ARHGAP45: variants seen among roughly 807,000 people sequenced by gnomAD.
ARHGAP45 encodes the protein rho GTPase-activating protein 45.
In ARHGAP45, 56 loss-of-function variants were observed where a neutral mutation model predicts 116.1. That is an observed-to-expected ratio of 0.48 (90% CI 0.39 to 0.60). The LOEUF is 0.60. Among genes scored for constraint, ARHGAP45 ranks in the 20% least tolerant of loss-of-function variants. ARHGAP45 has a pLI of 0.00. For synonymous variants in ARHGAP45, 866 were observed against 701.7 expected, an observed-to-expected ratio of 1.23 and a Z score of -3.70; for missense variants, 1,622 against 1,601.0, an observed-to-expected ratio of 1.01 and a Z score of -0.22.
chr19:1,068,631 T>C lies in ARHGAP45; in HGVS notation c.308T>C (p.Leu103Pro), dbSNP rs759924822. The part of the protein sequence containing the change: ...SPLTAASPGE[L>P]PTEGAGPDVV... ...CTGACAGCCGCCAGCCCGGGCGAGCTGCCCACCGAGGGTGCCGGCCCGGAC... is the reference window on the plus strand; with the variant it reads ...CTGACAGCCGCCAGCCCGGGCGAGCCGCCCACCGAGGGTGCCGGCCCGGAC... The change falls in exon 2 of 23, where the codon CTG becomes CCG. Residue 103 changes from leucine (L) to proline (P), a missense_variant. This residue lies in a region of ARHGAP45 where 279 missense variants were observed against 311.9 expected (regional missense o/e 0.89). Coordinates refer to ENST00000313093, the MANE Select transcript of ARHGAP45 (RefSeq NM_012292.5). The surrounding 1 kb of genome is among the most constrained non-coding windows in gnomAD (Gnocchi z 7.5). 6.2e-7 allele frequency: 1 copy of C among 1,611,906 alleles called. No individual in the cohort carries two copies. The highest frequency in any genetic ancestry group is 1.3e-5 in the African/African-American group (1 of 74,906).
chr19:1,083,287 C>G lies in ARHGAP45; in HGVS notation c.2889C>G (p.Ile963Met), dbSNP rs1414843555. ...ATTATCCCCATCAGGCCCGCGTCATCGAGACTCTCATCGTCCACTACGGCC... is the reference window on the plus strand; with the variant it reads ...ATTATCCCCATCAGGCCCGCGTCATGGAGACTCTCATCGTCCACTACGGCC... ...LVDYPHQARV[I>M]ETLIVHYGLV... The change falls in exon 21 of 23, where the codon ATC (isoleucine) becomes ATG (methionine). Residue 963 changes from isoleucine to methionine, a missense_variant. This residue lies in a region of ARHGAP45 where 1,334 missense variants were observed against 1,263.8 expected (regional missense o/e 1.06). Coordinates refer to ENST00000313093, the MANE Select transcript of ARHGAP45 (RefSeq NM_012292.5). 3 of 1,587,718 alleles carry G rather than the reference C, an allele frequency of 1.9e-6. No homozygotes were observed. The highest frequency in any genetic ancestry group is 1.8e-5 in the Admixed American group (1 of 56,946).
Position 1,081,649 on chromosome 19 carries a change from A to T in ARHGAP45, c.2290A>T (p.Ser764Cys). 1 of 1,581,524 alleles carries T rather than the reference A, an allele frequency of 6.3e-7. No individual in the cohort carries two copies. The highest frequency in any genetic ancestry group is 8.6e-7 in the Non-Finnish European group (1 of 1,164,324). The part of the protein sequence containing the change: ...GRLQLFGQDF[S>C]HAARSAPDGV... ...CCTGCAGCTGTTCGGCCAGGACTTC[A>T]GCCACGCGGCCCGCAGCGCCCCCGA... The change falls in exon 18 of 23, where the codon AGC becomes TGC. Residue 764 changes from serine to cysteine, a missense_variant. By Grantham distance (112) the Ser-to-Cys change is moderately radical. Around this residue, in one of 3 missense-constraint regions of ARHGAP45, gnomAD observed 1,334 missense variants for 1,263.8 expected, o/e 1.06. Transcript: ENST00000313093.
At position 1,083,230 on chromosome 19, in the gene ARHGAP45, C is replaced by G; in HGVS notation, c.2832C>G (p.Thr944=). ...FGPTLLRPRP[T]EATVSLSSLV... ...CCACGCTGCTTCGGCCACGGCCCAC[C>G]GAGGCCACCGTGTCCCTCTCCTCCC... is the stretch of plus-strand genomic sequence containing the variant. Residue 944 remains threonine (T), a synonymous_variant, in exon 21 of 23, where the codon ACC becomes ACG. Transcript: ENST00000313093. The G allele has an allele frequency of 3.7e-6, 6 of 1,607,820 alleles. No homozygotes were observed. The highest frequency in any genetic ancestry group is 5.1e-6 in the Non-Finnish European group (6 of 1,177,668).
upstream of ARHGAP45, chr19:1,066,444 C>A (rs570276347): frequency 4.0e-6 from 2 of 494,844 alleles, no homozygotes; most frequent in Non-Finnish European, 7.4e-6. Flanking sequence ...GGAGGCGGGG[C>A]TGGGGACCTT....
chr19:1,085,890 G>A lies in ARHGAP45; in HGVS notation c.3295G>A (p.Gly1099Arg), dbSNP rs1369018231. ...DEDGPAQQLS[G>R]FNTNQSNNVL... ...GGACGGCCCGGCCCAGCAGCTCTCA[G>A]GATTCAACACCAACCAGTCCAACAA... The change falls in exon 23 of 23, where the codon GGA (glycine) becomes AGA (arginine). Residue 1099 changes from glycine to arginine, a missense_variant. Coordinates refer to ENST00000313093, the MANE Select transcript of ARHGAP45 (RefSeq NM_012292.5). The A allele has an allele frequency of 1.9e-6, 3 of 1,612,964 alleles. No individual in the cohort carries two copies. Among genetic ancestry groups the A allele is most frequent in the African/African-American group, 1.3e-5 (1 of 75,020 alleles).
rs747920111 is a variant in ARHGAP45, at chr19:1,074,889, G to A, written c.1185+10G>A. On this transcript the variant is annotated intron_variant, in intron 10 of 22. Coordinates refer to ENST00000313093, the MANE Select transcript of ARHGAP45 (RefSeq NM_012292.5). ...TGCCCAGAGGAAGCTGGTGAGGCGG[G>A]CGGGCGGGGGCGGGCGGGGGCGGGC... The A allele has an allele frequency of 4.2e-6, 6 of 1,430,962 alleles. No individual in the cohort carries two copies. The African/African-American group carries it at 5.8e-5, about 14-fold the overall frequency. The allele number at this position is 1,430,962 out of a possible 1,614,324, so 88.6% of individuals were successfully genotyped here. A position where few individuals can be genotyped will look rare whatever the true frequency, so the allele number is the denominator to read the frequency against.
intron 21 of ARHGAP45, among the ~76,000 whole-genome samples, chr19:1,083,898 A>G (rs2043520591): frequency 6.6e-6 from 1 of 151,854 alleles, no homozygotes; most frequent in Non-Finnish European, 1.5e-5. Flanking sequence ...CGGCCACCAC[A>G]CCCGGCTAAT....
At position 1,077,541 on chromosome 19, in the gene ARHGAP45, G is replaced by T. The variant is rs1215763203; in HGVS notation, c.1186-316G>T. On this transcript the variant is annotated intron_variant, in intron 10 of 22. Transcript: ENST00000313093. ...TGGGATTACAAGCGTGCACCACAATGCCCGGCTAATTGTTTTAAATTTTGG... is the reference window on the plus strand; with the variant it reads ...TGGGATTACAAGCGTGCACCACAATTCCCGGCTAATTGTTTTAAATTTTGG... The T allele has an allele frequency of 3.7e-6, 4 of 1,085,486 alleles. No individual in the cohort carries two copies. The African/African-American group carries it at 6.4e-5, about 17-fold the overall frequency. 67.2% of individuals were successfully genotyped at this position (1,085,486 alleles called of 1,614,324 possible). A position where few individuals can be genotyped will look rare whatever the true frequency, so the allele number is the denominator to read the frequency against.
upstream of ARHGAP45, chr19:1,067,027 C>A (rs2043044841): frequency 7.2e-6 from 2 of 277,252 alleles, no homozygotes; most frequent in South Asian, 2.7e-4. Context: ...GCCCTGCAGT[C>A]GGCCGCCCCG....
intron 22 of ARHGAP45, among the ~76,000 whole-genome samples, chr19:1,085,264 C>T (rs141781784): frequency 1.0e-3 from 157 of 152,262 alleles, no homozygotes; most frequent in African/African-American, 3.7e-3. Context: ...TTTAGACCAT[C>T]AGATCTTGTG....
rs759888343 is a variant in ARHGAP45 at position 1,085,864 on chromosome 19, A to AGGACGG, written c.3270_3275dup (p.Asp1091_Gly1092dup). 6.2e-7 allele frequency: 1 copy of AGGACGG among 1,609,124 alleles called. No homozygotes were observed. Among genetic ancestry groups the AGGACGG allele is most frequent in the African/African-American group, 1.4e-5 (1 of 72,060 alleles). On this transcript the variant is annotated inframe_insertion, in exon 23 of 23. Transcript: ENST00000313093. ...GCCCGGGAGGACGGGGACGGGGACG[A>AGGACGG]GGACGGCCCGGCCCAGCAGCTCTCA...
chr19:1,078,372 T>C (rs1289255136), intron 11 of ARHGAP45, among the ~76,000 whole-genome samples: 1 of 152,028 alleles, frequency 6.6e-6, no homozygotes, highest in Non-Finnish European at 1.5e-5. Flanking sequence ...CTCGATCTCC[T>C]GACCTCGTGA....
At chr19:1,070,309 CTTTCT>C (rs2043115769) in intron 2 of ARHGAP45, among the ~76,000 whole-genome samples, 1 of 126,884 alleles carries the variant, frequency 7.9e-6, no homozygotes, top group Non-Finnish European at 1.7e-5. Context: ...TTCTTTTTTT[CTTTCT>C]TTTTCTTTTC....
At chr19:1,077,109 C>T in intron 10 of ARHGAP45, 12 of 985,378 alleles carry the variant, frequency 1.2e-5, no homozygotes, top group Non-Finnish European at 1.4e-5. Context: ...CCCGAGCCCA[C>T]AGGTTTTTGA....
chr19:1,083,081 A>G lies in ARHGAP45; in HGVS notation c.2744+15A>G. ...CACCTACGCAGGTGAGTCCCGGCAT[A>G]TGGAGTGGAGGGCGCGGGGTCCCGG... On this transcript the variant is annotated intron_variant, in intron 20 of 22. Coordinates refer to ENST00000313093, the MANE Select transcript of ARHGAP45 (RefSeq NM_012292.5). 2.6e-6 allele frequency: 4 copies of G among 1,559,280 alleles called. No homozygotes were observed. The highest frequency in any genetic ancestry group is 3.5e-6 in the Non-Finnish European group (4 of 1,156,496).
At chr19:1,074,070 C>A (rs747509172) in intron 6 of ARHGAP45, 34 bp from the exon 7 acceptor site, 2 of 1,605,772 alleles carry the variant, frequency 1.2e-6, no homozygotes, top group Non-Finnish European at 1.7e-6. Context: ...TTGCGCGGGT[C>A]GGGCCAGGCT....
rs981750574 is a variant in ARHGAP45, at chr19:1,080,723, A to G, written c.1954A>G (p.Met652Val). 3 of 1,613,596 alleles carry G rather than the reference A, an allele frequency of 1.9e-6. No individual in the cohort carries two copies. Among genetic ancestry groups the G allele is most frequent in the Non-Finnish European group, 2.5e-6 (3 of 1,179,982 alleles). Residue 652 changes from methionine to valine, a missense_variant, in exon 16 of 23, where the codon ATG (methionine) becomes GTG (valine). Physicochemically the swap from Met to Val is conservative, Grantham distance 21. Around this residue, in one of 3 missense-constraint regions of ARHGAP45, gnomAD observed 1,334 missense variants for 1,263.8 expected, o/e 1.06. Transcript: ENST00000313093. Reference sequence around the variant, plus strand: ...CGAGCGGACGTCATCCAGTGGTACCATGTCGTCCACGGAGGAGCTGGTGGA... The same window carrying G: ...CGAGCGGACGTCATCCAGTGGTACCGTGTCGTCCACGGAGGAGCTGGTGGA... ...KFERTSSSGT[M>V]SSTEELVDPD...
At chr19:1,067,657 C>A in intron 1 of ARHGAP45, 162 bp downstream of exon 1, 1 of 753,986 alleles carries the variant, frequency 1.3e-6, no homozygotes, top group Non-Finnish European at 2.3e-6. Context: ...AGGCCGGGAC[C>A]CCGGCATTCA....
chr19:1,067,342 C>T lies in ARHGAP45; in HGVS notation c.-64C>T. The T allele has an allele frequency of 6.8e-7, 1 of 1,476,440 alleles. No homozygotes were observed. Among genetic ancestry groups the T allele is most frequent in the East Asian group, 2.7e-5 (1 of 37,602 alleles). 91.5% of individuals were successfully genotyped at this position (1,476,440 alleles called of 1,614,324 possible). A position where few individuals can be genotyped will look rare whatever the true frequency, so the allele number is the denominator to read the frequency against. On this transcript the variant is annotated 5_prime_UTR_variant, in exon 1 of 23. Coordinates refer to ENST00000313093, the MANE Select transcript of ARHGAP45 (RefSeq NM_012292.5). ...GACAATGTGGTCCCGAAGCGGCCAGCGCCGGGAGCTGCAGCGCTGAGACCC... is the reference window on the plus strand; with the variant it reads ...GACAATGTGGTCCCGAAGCGGCCAGTGCCGGGAGCTGCAGCGCTGAGACCC...
Sources: allele counts gnomAD v4.1 joint callset (sites outside exome capture counted in the v4.1 genomes callset), GRCh38; gene constraint gnomAD v4.1.1; regional missense constraint gnomAD v4.1.1; non-coding constraint Gnocchi (gnomAD v3.1); transcripts MANE v1.5; gene names NCBI Gene and HGNC (gene_info 2026-07-23, HGNC 2026-07-21).